The following ATP2B2 variants were observed in gnomAD, a reference collection of about 807,000 sequenced individuals.
ATP2B2 encodes plasma membrane calcium-transporting ATPase 2.
A neutral mutation model predicts 120.0 loss-of-function variants in ATP2B2; 15 were observed. That is an observed-to-expected ratio of 0.12 (90% confidence interval 0.08 to 0.19). The LOEUF is 0.19. Among genes scored for constraint, ATP2B2 ranks in the 10% least tolerant of loss-of-function variants. The pLI, the probability that ATP2B2 is intolerant of heterozygous loss-of-function variation, is 1.00. For missense variants in ATP2B2, 1,045 were observed against 1,719.8 expected (o/e 0.61, Z 6.94); for synonymous variants, 694 against 700.3 (o/e 0.99, Z 0.14).
intron 6 of ATP2B2, chr3:10,387,763 G>C (rs2124869292): frequency 5.0e-6 from 1 of 199,246 alleles, no homozygotes; most frequent in East Asian, 1.2e-4. Context: ...GTAGGTCTGG[G>C]AGCACTGGAG....
intron 1 of ATP2B2, among the ~76,000 whole-genome samples, chr3:10,455,659 G>A (rs538254127): frequency 3.9e-5 from 6 of 152,322 alleles, no homozygotes; most frequent in Admixed American, 3.9e-4. Flanking sequence ...CACTGCACAG[G>A]TGAGCACCCC....
At chr3:10,649,553 A>G (rs2070400048) in intron 1 of ATP2B2, among the ~76,000 whole-genome samples, 1 of 152,086 alleles carries the variant, frequency 6.6e-6, no homozygotes, top group Admixed American at 6.5e-5. Context: ...CTCTCTTATT[A>G]GACTAGTTAA....
intron 3 of ATP2B2, among the ~76,000 whole-genome samples, chr3:10,404,826 G>A (rs1417495802): frequency 6.6e-6 from 1 of 152,154 alleles, no homozygotes; most frequent in Non-Finnish European, 1.5e-5. Flanking sequence ...ATTTTCTTGG[G>A]GCTTAGAGGC....
At chr3:10,486,345 G>A (rs1019262487) in intron 1 of ATP2B2, among the ~76,000 whole-genome samples, 2 of 151,966 alleles carry the variant, frequency 1.3e-5, no homozygotes, top group Non-Finnish European at 2.9e-5. Context: ...GTGTGTGTGT[G>A]TGTGTGTGTG....
chr3:10,457,114 GGTGA>G (rs1316698908), intron 1 of ATP2B2, among the ~76,000 whole-genome samples: 2 of 152,164 alleles, frequency 1.3e-5, no homozygotes, highest in African/African-American at 2.4e-5. Flanking sequence ...GTGTCTGTAG[GGTGA>G]GTGTGTGAGT....
rs527849139 is a variant in ATP2B2, at chr3:10,436,373, G to A, written c.199+12972C>T. Among the ~76,000 whole-genome samples, 62 of 152,278 alleles carry A rather than the reference G, an allele frequency of 4.1e-4. 4 individuals carry two copies. In the South Asian group the frequency reaches 6.4e-3, roughly 16 times the overall value. On this transcript the variant is annotated intron_variant, in intron 2 of 22. Coordinates refer to ENST00000360273, the MANE Select transcript of ATP2B2 (RefSeq NM_001001331.4). ...ATACCGTATAATGGTGTGCGGCTGC[G>A]CCTCTCGTCCCAACTCTGTGTTTAA...
intron 1 of ATP2B2, among the ~76,000 whole-genome samples, chr3:10,690,650 C>G (rs1286601024): frequency 6.6e-6 from 1 of 152,106 alleles, no homozygotes; most frequent in Non-Finnish European, 1.5e-5. Flanking sequence ...AGAACCACCC[C>G]CAGAGACAGA....
intron 1 of ATP2B2, among the ~76,000 whole-genome samples, chr3:10,702,654 T>C (rs1388000943): frequency 1.3e-5 from 2 of 152,224 alleles, no homozygotes; most frequent in African/African-American, 4.8e-5. Context: ...GGTCATTCAC[T>C]TGGGCTCTGC....
chr3:10,477,980 C>T (rs978965668), intron 1 of ATP2B2, among the ~76,000 whole-genome samples: 3 of 152,166 alleles, frequency 2.0e-5, no homozygotes, highest in Non-Finnish European at 4.4e-5. Flanking sequence ...CCACAGCAGC[C>T]GCACCATTTT....
At position 10,340,816 on chromosome 3, in the gene ATP2B2, C is replaced by T. The variant is rs929632183; in HGVS notation, c.2918-112G>A. Reference sequence around the variant, plus strand: ...TGAGCAGTGACGTGAATCCCCAAGACATCAAGGCATGCTTGGACAGTGGGG... The same window carrying T: ...TGAGCAGTGACGTGAATCCCCAAGATATCAAGGCATGCTTGGACAGTGGGG... On this transcript the variant is annotated intron_variant, in intron 19 of 22. Transcript: ENST00000360273. The surrounding 1 kb of genome is among the most constrained non-coding windows in gnomAD (Gnocchi z 5.0). 1.6e-5 allele frequency: 17 copies of T among 1,055,878 alleles called. No individual in the cohort carries two copies. Among genetic ancestry groups the T allele is most frequent in the Middle Eastern group, 4.5e-4 (2 of 4,448 alleles). The allele number at this position is 1,055,878 out of a possible 1,614,324, so 65.4% of individuals were successfully genotyped here.
At chr3:10,579,914 C>A (rs2068348479) in intron 2 of ATP2B2, among the ~76,000 whole-genome samples, 1 of 152,198 alleles carries the variant, frequency 6.6e-6, no homozygotes, top group African/African-American at 2.4e-5. Flanking sequence ...GAATGTAGCA[C>A]AAGTGACTCC....
intron 2 of ATP2B2, among the ~76,000 whole-genome samples, chr3:10,579,116 A>T (rs1395957796): frequency 1.3e-5 from 2 of 152,186 alleles, no homozygotes; most frequent in Non-Finnish European, 2.9e-5. Flanking sequence ...GACCAGGCCT[A>T]CCTCCCAGGG....
chr3:10,362,401 G>C (rs147130163), intron 12 of ATP2B2, among the ~76,000 whole-genome samples: 168 of 152,308 alleles, frequency 1.1e-3, no homozygotes, highest in African/African-American at 3.8e-3. Context: ...GATTCACATG[G>C]GGGGAATACA....
rs777288394 is a variant in ATP2B2 at position 10,356,147 on chromosome 3, CGTGTGTGCGT to C, written c.2136+2534_2136+2543del. Among the ~76,000 whole-genome samples, 2 of 45,698 alleles carry C rather than the reference CGTGTGTGCGT, an allele frequency of 4.4e-5. 1 individual carries two copies. Among genetic ancestry groups the C allele is most frequent in the African/African-American group, 1.2e-4 (2 of 16,128 alleles). 30.0% of individuals were successfully genotyped at this position (45,698 alleles called of 152,430 possible). A position where few individuals can be genotyped will look rare whatever the true frequency, so the allele number is the denominator to read the frequency against. On this transcript the variant is annotated intron_variant, in intron 14 of 22. Coordinates refer to ENST00000360273, the MANE Select transcript of ATP2B2 (RefSeq NM_001001331.4). ...AGAACTACTTGTCCTTTCCTTTGTGCGTGTGTGCGTGTGTGTGTGTGTGTGTGTGTGTGTG... is the reference window on the plus strand; with the variant it reads ...AGAACTACTTGTCCTTTCCTTTGTGCGTGTGTGTGTGTGTGTGTGTGTGTG...
At chr3:10,588,268 C>G (rs1281204172) in intron 2 of ATP2B2, among the ~76,000 whole-genome samples, 1 of 152,188 alleles carries the variant, frequency 6.6e-6, no homozygotes, top group Non-Finnish European at 1.5e-5. Context: ...TCAAATGTCT[C>G]TAGACATTGC....
At chr3:10,600,064 A>G (rs946866054) in intron 2 of ATP2B2, among the ~76,000 whole-genome samples, 23 of 149,782 alleles carry the variant, frequency 1.5e-4, no homozygotes, top group Middle Eastern at 3.4e-3. Context: ...GCAAGAAACC[A>G]CCAGGTGGTA....
intron 1 of ATP2B2, among the ~76,000 whole-genome samples, chr3:10,473,804 AG>A (rs752805798): frequency 6.6e-6 from 1 of 152,216 alleles, no homozygotes; most frequent in Non-Finnish European, 1.5e-5. Context: ...AACTCAAAGA[AG>A]GCCACGTGGC....
intron 2 of ATP2B2, among the ~76,000 whole-genome samples, chr3:10,438,306 C>T (rs1401430228): frequency 2.0e-5 from 3 of 152,228 alleles, no homozygotes; most frequent in Non-Finnish European, 2.9e-5. Context: ...CCAGGGAACA[C>T]TCCATTCTGC....
At chr3:10,349,946 C>T (rs2060530425) in intron 16 of ATP2B2, among the ~76,000 whole-genome samples, 166 bp downstream of exon 16, 1 of 151,992 alleles carries the variant, frequency 6.6e-6, no homozygotes, top group Admixed American at 6.6e-5. Context: ...CCCTTGCAGG[C>T]TCCTGGGGCT....
Sources: allele counts gnomAD v4.1 joint callset (sites outside exome capture counted in the v4.1 genomes callset), GRCh38; gene constraint gnomAD v4.1.1; non-coding constraint Gnocchi (gnomAD v3.1); transcripts MANE v1.5; gene names NCBI Gene and HGNC (gene_info 2026-07-23, HGNC 2026-07-21).